SLC7A8: variants seen among roughly 807,000 people sequenced by gnomAD.
SLC7A8 encodes the protein large neutral amino acids transporter small subunit 2.
In SLC7A8, 30 loss-of-function variants were observed where a neutral mutation model predicts 51.2. The observed-to-expected ratio is 0.59, with a 90% CI of 0.44 to 0.80. The LOEUF (loss-of-function observed/expected upper bound fraction) is 0.80, where lower values mean the gene tolerates loss of function less well. Among genes scored for constraint, SLC7A8 ranks in the 30% least tolerant of loss-of-function variants. The pLI, the probability that SLC7A8 is intolerant of heterozygous loss-of-function variation, is 0.00. For missense variants in SLC7A8, 612 were observed against 674.4 expected (o/e 0.91, Z 1.03); for synonymous variants, 257 against 275.8 (o/e 0.93, Z 0.67).
intron 3 of SLC7A8, among the ~76,000 whole-genome samples, chr14:23,160,277 C>T (rs940357839): frequency 1.3e-4 from 20 of 152,080 alleles, no homozygotes; most frequent in African/African-American, 3.1e-4. Flanking sequence ...CAGGATAAAA[C>T]GGCAAGCTGT....
At position 23,137,831 on chromosome 14, in the gene SLC7A8, C is replaced by A. The variant is rs202010264; in HGVS notation, c.1016+90G>T. 358 of 1,515,630 alleles carry A rather than the reference C, an allele frequency of 2.4e-4. 3 individuals are homozygous for A. In the East Asian group the frequency reaches 7.1e-3, roughly 30 times the overall value. 93.9% of individuals were successfully genotyped at this position (1,515,630 alleles called of 1,614,324 possible). On this transcript the variant is annotated intron_variant, in intron 7 of 10. Coordinates refer to ENST00000316902, the MANE Select transcript of SLC7A8 (RefSeq NM_012244.4). ...CAACATCCAGATGCCCACACAGACC[C>A]CTGCTGACAGAGACAAGCCCACCAT...
At chr14:23,181,804 G>A (rs1227941728) in intron 1 of SLC7A8, among the ~76,000 whole-genome samples, 1 of 152,242 alleles carries the variant, frequency 6.6e-6, no homozygotes, top group Non-Finnish European at 1.5e-5. Context: ...ACTCTGAAGT[G>A]AGGGCAGGAA....
intron 3 of SLC7A8, among the ~76,000 whole-genome samples, chr14:23,147,663 C>T (rs1449531396): frequency 6.6e-6 from 1 of 152,164 alleles, no homozygotes; most frequent in Non-Finnish European, 1.5e-5. Flanking sequence ...GCATTTCCTC[C>T]CCTCTTTCTT....
At chr14:23,136,131 C>T (rs1566358206) in intron 7 of SLC7A8, among the ~76,000 whole-genome samples, 1 of 152,208 alleles carries the variant, frequency 6.6e-6, no homozygotes, top group East Asian at 1.9e-4. Flanking sequence ...ATGGAGTAGA[C>T]TGAAGCGAAC....
chr14:23,158,869 A>C (rs2048907494), intron 3 of SLC7A8, among the ~76,000 whole-genome samples: 1 of 152,146 alleles, frequency 6.6e-6, no homozygotes. Context: ...ACAAATGCCT[A>C]GCCTGCTTGT....
At position 23,165,503 on chromosome 14, in the gene SLC7A8, G is replaced by A. The variant is rs1594838098; in HGVS notation, c.357-67C>T. 8.0e-6 allele frequency: 12 copies of A among 1,494,126 alleles called. No individual in the cohort carries two copies. The highest frequency in any genetic ancestry group is 1.5e-5 in the African/African-American group (1 of 68,880). The allele number at this position is 1,494,126 out of a possible 1,614,324, so 92.6% of individuals were successfully genotyped here. Reference sequence around the variant, plus strand: ...ACGCAGAGCCATCAGGGGAGAGCCCGGGCAAGTCATGCATCTCTTTTTTAT... The same window carrying A: ...ACGCAGAGCCATCAGGGGAGAGCCCAGGCAAGTCATGCATCTCTTTTTTAT... On this transcript the variant is annotated intron_variant, in intron 2 of 10. Transcript: ENST00000316902. This position sits in a 1 kb window ranked among gnomAD's most constrained non-coding sequence, Gnocchi z 4.2.
At chr14:23,161,082 T>C (rs2048919233) in intron 3 of SLC7A8, among the ~76,000 whole-genome samples, 1 of 152,032 alleles carries the variant, frequency 6.6e-6, no homozygotes, top group African/African-American at 2.4e-5. Context: ...GTTGCATAAG[T>C]GTGATCCAAG....
rs2048615549 is a variant in SLC7A8, at chr14:23,129,781, T to A, written c.1132A>T (p.Met378Leu). Residue 378 changes from methionine to leucine, a missense_variant, in exon 9 of 11, where the codon ATG (methionine) becomes TTG (leucine). By Grantham distance (15) the Met-to-Leu change is conservative. Transcript: ENST00000316902. ...LLFTCISTLL[M>L]LVTSDMYTLI... Reference sequence around the variant, plus strand: ...GTGTACATGTCGCTGGTGACCAGCATCAGCAGGGTGGAGATGCACTGGGAA... The same window carrying A: ...GTGTACATGTCGCTGGTGACCAGCAACAGCAGGGTGGAGATGCACTGGGAA... The A allele has an allele frequency of 1.9e-6, 3 of 1,614,006 alleles. No homozygotes were observed. The highest frequency in any genetic ancestry group is 3.3e-5 in the Admixed American group (2 of 59,992).
chr14:23,162,247 T>C (rs2048928087), intron 3 of SLC7A8, among the ~76,000 whole-genome samples: 2 of 152,110 alleles, frequency 1.3e-5, no homozygotes, highest in African/African-American at 2.4e-5. Context: ...CACATGGCCT[T>C]CACAGCTAGG....
chr14:23,136,677 C>T (rs539629417), intron 7 of SLC7A8, among the ~76,000 whole-genome samples: 2 of 152,314 alleles, frequency 1.3e-5, no homozygotes, highest in Admixed American at 6.5e-5. Context: ...CATGCGCCAC[C>T]GTTTCCTGCA....
intron 4 of SLC7A8, among the ~76,000 whole-genome samples, chr14:23,141,679 C>T (rs1291697400): frequency 6.6e-6 from 1 of 152,174 alleles, no homozygotes; most frequent in Non-Finnish European, 1.5e-5. Flanking sequence ...GTCTCGAATT[C>T]CTGACCTCAA....
chr14:23,130,294 A>G (rs944632096), intron 8 of SLC7A8, among the ~76,000 whole-genome samples: 3 of 152,164 alleles, frequency 2.0e-5, no homozygotes, highest in Non-Finnish European at 4.4e-5. Flanking sequence ...AACTGGTTAC[A>G]TAGCACTTAC....
intron 7 of SLC7A8, among the ~76,000 whole-genome samples, chr14:23,134,437 CAAAAAAA>C (rs57162273): frequency 1.6e-5 from 1 of 64,186 alleles, no homozygotes; most frequent in Non-Finnish European, 2.6e-5. Flanking sequence ...ACCCTGTCTC[CAAAAAAA>C]AAAAAAAAAA....
At chr14:23,152,710 C>T (rs1221549293) in intron 3 of SLC7A8, among the ~76,000 whole-genome samples, 3 of 152,176 alleles carry the variant, frequency 2.0e-5, no homozygotes, top group Non-Finnish European at 4.4e-5. Flanking sequence ...CCGCCACACC[C>T]GGTGATGTTT....
At chr14:23,162,512 T>C (rs2048929300) in intron 3 of SLC7A8, among the ~76,000 whole-genome samples, 1 of 152,236 alleles carries the variant, frequency 6.6e-6, no homozygotes, top group Non-Finnish European at 1.5e-5. Flanking sequence ...ATAAGCTTTA[T>C]TGAATCTTTG....
chr14:23,147,102 C>CATCCATCCATCCATCCATCT (rs2048802701), intron 3 of SLC7A8, among the ~76,000 whole-genome samples: 1 of 151,934 alleles, frequency 6.6e-6, no homozygotes, highest in Non-Finnish European at 1.5e-5. Context: ...TCCATCCATC[C>CATCCATCCATCCATCCATCT]ATCATAGATC....
chr14:23,160,383 A>G (rs1057466710), intron 3 of SLC7A8, among the ~76,000 whole-genome samples: 1 of 152,124 alleles, frequency 6.6e-6, no homozygotes, highest in Admixed American at 6.5e-5. Flanking sequence ...CATTCTGGCT[A>G]ACAAGGTGAA....
rs780721948 is a variant in SLC7A8, at chr14:23,166,358, C to T, written c.334G>A (p.Asp112Asn). The T allele has an allele frequency of 3.7e-6, 6 of 1,613,950 alleles. No homozygotes were observed. In the South Asian group the frequency reaches 6.6e-5, roughly 18 times the overall value. The change falls in exon 2 of 11, where the codon GAC (aspartate) becomes AAC (asparagine). Residue 112 changes from aspartate to asparagine, a missense_variant. By Grantham distance (23) the Asp-to-Asn change is conservative. Transcript: ENST00000316902. ...KSGGDYSYVKDIFGGLAGFLR... is the reference protein window; with the variant it reads ...KSGGDYSYVKNIFGGLAGFLR... ...TACCCAGCCAGTCCTCCGAAGATGT[C>T]CTTGACATAGGAGTAGTCACCTCCA...
chr14:23,170,647 TG>T (rs1342551513), intron 1 of SLC7A8, among the ~76,000 whole-genome samples: 1 of 152,050 alleles, frequency 6.6e-6, no homozygotes. Context: ...TTAGTAAAGA[TG>T]GGGTTTCACC....
Sources: allele counts gnomAD v4.1 joint callset (sites outside exome capture counted in the v4.1 genomes callset), GRCh38; gene constraint gnomAD v4.1.1; non-coding constraint Gnocchi (gnomAD v3.1); transcripts MANE v1.5; gene names NCBI Gene and HGNC (gene_info 2026-07-23, HGNC 2026-07-21).